Variants in LAMA2 observed in about 807,000 individuals in gnomAD.
LAMA2 encodes the protein laminin subunit alpha-2.
LAMA2 carries 269 observed loss-of-function variants against 364.8 expected under a neutral mutation model. The observed-to-expected ratio is 0.74, with a 90% CI of 0.67 to 0.82. The LOEUF (loss-of-function observed/expected upper bound fraction) is 0.82, where lower values mean the gene tolerates loss of function less well. Ranked by LOEUF, LAMA2 falls within the 40% of genes least tolerant of loss-of-function variation. The pLI is 0.00. For missense variants in LAMA2, 3,807 were observed against 3,873.2 expected, an observed-to-expected ratio of 0.98 and a Z score of 0.45; for synonymous variants, 1,379 against 1,370.6, an observed-to-expected ratio of 1.01 and a Z score of -0.14.
chr6:129,467,365 G>A (rs1783595091), intron 51 of LAMA2, among the ~76,000 whole-genome samples: 1 of 151,724 alleles, frequency 6.6e-6, no homozygotes, highest in Non-Finnish European at 1.5e-5. Flanking sequence ...AAGGGGGGAG[G>A]GAGGAGAAGG....
chr6:129,428,485 C>T (rs910537056), intron 41 of LAMA2, among the ~76,000 whole-genome samples: 5 of 152,120 alleles, frequency 3.3e-5, no homozygotes, highest in East Asian at 1.9e-4. Flanking sequence ...GATGAAGTCT[C>T]GCTCTGTCAA....
chr6:128,929,764 G>A (rs1218052096), intron 1 of LAMA2: 2 of 1,119,778 alleles, frequency 1.8e-6, no homozygotes, highest in Admixed American at 1.7e-5. Context: ...ATTGGAAAAC[G>A]TGTAAAACCA....
chr6:129,270,329 ATTTTC>A (rs1486548602), intron 16 of LAMA2, among the ~76,000 whole-genome samples: 2 of 151,672 alleles, frequency 1.3e-5, no homozygotes, highest in African/African-American at 4.9e-5. Context: ...AATATCATGT[ATTTTC>A]TTAAGGAAAA....
At chr6:129,122,875 A>G (rs1583081499) in intron 4 of LAMA2, among the ~76,000 whole-genome samples, 4 of 152,348 alleles carry the variant, frequency 2.6e-5, no homozygotes, top group Admixed American at 2.6e-4. Flanking sequence ...AACAAAAAGG[A>G]CGAGGCAATA....
chr6:128,917,715 T>A (rs1778422930), intron 1 of LAMA2, among the ~76,000 whole-genome samples: 1 of 121,776 alleles, frequency 8.2e-6, no homozygotes, highest in African/African-American at 3.5e-5. Context: ...TTTTTCTTTC[T>A]TTCTTTCTTT....
intron 12 of LAMA2, among the ~76,000 whole-genome samples, chr6:129,243,334 C>T (rs1347573204): frequency 2.0e-5 from 3 of 152,118 alleles, no homozygotes; most frequent in Non-Finnish European, 4.4e-5. Flanking sequence ...GTTGGCCTCT[C>T]ATTCCTCTCT....
intron 1 of LAMA2, among the ~76,000 whole-genome samples, chr6:129,010,545 C>G (rs1784703243): frequency 6.6e-6 from 1 of 152,072 alleles, no homozygotes; most frequent in Non-Finnish European, 1.5e-5. Context: ...TATCTTTTGC[C>G]TACTTTAAAT....
chr6:129,104,349 A>G (rs1291755244), intron 4 of LAMA2, among the ~76,000 whole-genome samples: 1 of 152,174 alleles, frequency 6.6e-6, no homozygotes, highest in Non-Finnish European at 1.5e-5. Flanking sequence ...GGCATTATGA[A>G]ATAAACATGT....
intron 12 of LAMA2, among the ~76,000 whole-genome samples, chr6:129,211,230 A>G (rs1429458572): frequency 2.0e-5 from 3 of 152,214 alleles, no homozygotes; most frequent in Non-Finnish European, 2.9e-5. Context: ...GCTATTGTCC[A>G]TATCTAGATG....
At chr6:129,411,021 A>G (rs1780514796) in intron 40 of LAMA2, among the ~76,000 whole-genome samples, 1 of 152,188 alleles carries the variant, frequency 6.6e-6, no homozygotes, top group South Asian at 2.1e-4. Flanking sequence ...TTTTTGTTCT[A>G]TTCAGCCCTC....
At chr6:129,073,478 C>T (rs1295564704) in intron 3 of LAMA2, among the ~76,000 whole-genome samples, 2 of 152,112 alleles carry the variant, frequency 1.3e-5, no homozygotes, top group Non-Finnish European at 1.5e-5. Flanking sequence ...CATTCTTTCT[C>T]TCCACTCTCC....
At chr6:129,087,807 T>G (rs1774470976) in intron 3 of LAMA2, among the ~76,000 whole-genome samples, 1 of 151,394 alleles carries the variant, frequency 6.6e-6, no homozygotes, top group African/African-American at 2.4e-5. Context: ...AGGCTACTCT[T>G]AAGAAAGTCC....
intron 57 of LAMA2, 76 bp downstream of exon 57, chr6:129,492,153 A>G (rs1784898564): frequency 1.2e-5 from 17 of 1,436,838 alleles, no homozygotes; most frequent in Admixed American, 1.2e-4. Flanking sequence ...ATGCATCTAC[A>G]TTGTCTACAG....
At chr6:129,272,077 A>G (rs749801401) in intron 17 of LAMA2, among the ~76,000 whole-genome samples, 7 of 152,190 alleles carry the variant, frequency 4.6e-5, no homozygotes, top group Non-Finnish European at 7.4e-5. Context: ...AAAGAAGAGA[A>G]AGCACTACTA....
chr6:129,449,478 G>C (rs982306881), intron 45 of LAMA2, among the ~76,000 whole-genome samples: 1 of 152,080 alleles, frequency 6.6e-6, no homozygotes, highest in African/African-American at 2.4e-5. Context: ...ATTCATTCAT[G>C]AGGACAGAGC....
At chr6:129,450,738 G>T (rs370326594) in intron 45 of LAMA2, among the ~76,000 whole-genome samples, 3 of 152,162 alleles carry the variant, frequency 2.0e-5, no homozygotes, top group Non-Finnish European at 1.5e-5. Context: ...ACATACAGTC[G>T]CTTTGACTAC....
intron 37 of LAMA2, 103 bp from the exon 38 acceptor site, chr6:129,401,121 T>G (rs2114691885): frequency 1.2e-6 from 1 of 822,364 alleles, no homozygotes; most frequent in East Asian, 2.4e-5. Context: ...TGATGTACCT[T>G]TTTTGCTAAG....
chr6:129,224,579 C>T (rs527368262), intron 12 of LAMA2, among the ~76,000 whole-genome samples: 42 of 152,208 alleles, frequency 2.8e-4, no homozygotes, highest in African/African-American at 9.6e-4. Flanking sequence ...TTGTCAAAGG[C>T]CTTTTCTGCA....
chr6:129,348,949 A>G (rs752454289), intron 30 of LAMA2, among the ~76,000 whole-genome samples: 4 of 152,178 alleles, frequency 2.6e-5, no homozygotes, highest in Non-Finnish European at 5.9e-5. Context: ...GACAATGTGC[A>G]TAAATTCTAG....
Sources: gnomAD v4.1 joint callset for allele counts (sites outside exome capture counted in the v4.1 genomes callset) on GRCh38, gnomAD v4.1.1 for gene constraint, MANE v1.5 for transcripts, NCBI Gene and HGNC (gene_info 2026-07-23, HGNC 2026-07-21) for gene names.